The following LIG1 variants were observed in gnomAD, a reference collection of about 807,000 sequenced individuals.
LIG1 encodes DNA ligase 1, also known as ligase I, DNA, ATP-dependent.
A neutral mutation model predicts 115.7 loss-of-function variants in LIG1; 70 were observed. That is an observed-to-expected ratio of 0.60 (90% CI 0.50 to 0.74). The LOEUF is 0.74. Ranked by LOEUF, LIG1 falls within the 30% of genes least tolerant of loss-of-function variation. LIG1 has a pLI of 0.00. For missense variants in LIG1, 1,115 were observed against 1,225.6 expected (o/e 0.91, Z 1.35); for synonymous variants, 487 against 495.3 (o/e 0.98, Z 0.22).
intron 9 of LIG1, among the ~76,000 whole-genome samples, chr19:48,146,735 T>C (rs971255069): frequency 1.3e-5 from 2 of 152,206 alleles, no homozygotes; most frequent in Non-Finnish European, 2.9e-5. Flanking sequence ...GAACTTTATA[T>C]ACAGTAGGAC....
chr19:48,152,939 G>A (rs1180153336), intron 6 of LIG1, among the ~76,000 whole-genome samples: 1 of 152,210 alleles, frequency 6.6e-6, no homozygotes, highest in African/African-American at 2.4e-5. Context: ...GCTCACGCCT[G>A]TAATCCCAGG....
At chr19:48,123,083 T>C (rs1005393404) in intron 22 of LIG1, 67 bp from the exon 23 acceptor site, 7 of 1,612,080 alleles carry the variant, frequency 4.3e-6, no homozygotes, top group Non-Finnish European at 5.9e-6. Context: ...CAGGCAGGAT[T>C]CTGGTCAAAC....
At chr19:48,144,967 A>C (rs899892031) in intron 9 of LIG1, among the ~76,000 whole-genome samples, 1 of 152,150 alleles carries the variant, frequency 6.6e-6, no homozygotes, top group Non-Finnish European at 1.5e-5. Flanking sequence ...GCTAGAGTGC[A>C]GTGGAGCAAT....
rs199830860 is a variant in LIG1 at position 48,157,024 on chromosome 19, C to T, written c.360G>A (p.Lys120=). ...CCCGTGTGTTCTCACCTGTGCGACGCTTCGGAATCCCTGATGGGGAACTGT... is the reference window on the plus strand; with the variant it reads ...CCCGTGTGTTCTCACCTGTGCGACGTTTCGGAATCCCTGATGGGGAACTGT... ...PMDSSPSGIP[K]RRTARKQLPK... Residue 120 remains lysine, a synonymous_variant, in exon 5 of 28, where the codon AAG becomes AAA. Transcript: ENST00000263274. 1.3e-4 allele frequency: 212 copies of T among 1,600,954 alleles called. No homozygotes were observed. The highest frequency in any genetic ancestry group is 1.7e-4 in the Non-Finnish European group (199 of 1,172,948).
intron 19 of LIG1, among the ~76,000 whole-genome samples, chr19:48,129,717 G>T (rs1003945473): frequency 6.6e-6 from 1 of 152,146 alleles, no homozygotes; most frequent in Non-Finnish European, 1.5e-5. Flanking sequence ...GGACAGAGGA[G>T]GGGGCCTTGC....
chr19:48,139,718 C>T (rs562360088), intron 12 of LIG1, among the ~76,000 whole-genome samples: 60 of 152,210 alleles, frequency 3.9e-4, no homozygotes, highest in Non-Finnish European at 6.6e-4. Context: ...CATCTTTCCC[C>T]AGCCCTCCCC....
At chr19:48,155,975 G>A (rs370398258) in intron 5 of LIG1, among the ~76,000 whole-genome samples, 10 of 152,172 alleles carry the variant, frequency 6.6e-5, no homozygotes, top group East Asian at 1.9e-4. Context: ...ACGCTAAAGC[G>A]CTCAATAGGC....
At position 48,115,709 on chromosome 19, in the gene LIG1, T is replaced by C. The variant is rs1803907; in HGVS notation, c.2700A>G (p.Gln900=). The C allele has an allele frequency of 2.0e-3, 3,277 of 1,614,128 alleles. 55 individuals are homozygous for C. In the African/African-American group the frequency reaches 0.037, roughly 18 times the overall value. Residue 900 remains glutamine, a synonymous_variant, in exon 28 of 28, where the codon CAA becomes CAG. Transcript: ENST00000263274. ...SAQVACLYRK[Q]SQIQNQQGED... Reference sequence around the variant, plus strand: ...CGCCTTGTTGGTTCTGAATCTGACTTTGCTTCCGGTACAAACAGGCCACCT... The same window carrying C: ...CGCCTTGTTGGTTCTGAATCTGACTCTGCTTCCGGTACAAACAGGCCACCT...
chr19:48,168,661 C>T (rs999626090), intron 1 of LIG1, among the ~76,000 whole-genome samples: 1 of 152,016 alleles, frequency 6.6e-6, no homozygotes, highest in Admixed American at 6.6e-5. Flanking sequence ...GGAACTGGTT[C>T]CCTCATTACT....
chr19:48,145,805 T>A (rs1474607139), intron 9 of LIG1: 2 of 152,160 alleles, frequency 1.3e-5, no homozygotes, highest in East Asian at 3.9e-4. Context: ...ATGCTGGTCA[T>A]AATCAAGGCC....
chr19:48,127,881 T>A (rs2033773457), intron 20 of LIG1, 29 bp downstream of exon 20: 1 of 1,576,230 alleles, frequency 6.3e-7, no homozygotes, highest in African/African-American at 1.3e-5. Flanking sequence ...GTACGGGGCC[T>A]TGGCAGGCAG....
At chr19:48,138,203 G>A (rs1471220232) in intron 12 of LIG1, among the ~76,000 whole-genome samples, 1 of 152,100 alleles carries the variant, frequency 6.6e-6, no homozygotes, top group Non-Finnish European at 1.5e-5. Flanking sequence ...GTAAGAGCTG[G>A]GGAGATGGAG....
intron 9 of LIG1, among the ~76,000 whole-genome samples, chr19:48,148,197 G>C (rs1176311807): frequency 6.6e-6 from 1 of 152,086 alleles, no homozygotes; most frequent in Non-Finnish European, 1.5e-5. Flanking sequence ...GAGGAGGCTG[G>C]GTGTGGTGGC....
chr19:48,139,073 C>T (rs1443919442), intron 12 of LIG1, among the ~76,000 whole-genome samples: 1 of 152,212 alleles, frequency 6.6e-6, no homozygotes, highest in Non-Finnish European at 1.5e-5. Flanking sequence ...CACATCCTCT[C>T]CCCAGGCGGA....
At chr19:48,169,913 C>CCCG (rs2036703071) in intron 1 of LIG1, 2 of 123,634 alleles carry the variant, frequency 1.6e-5, no homozygotes, top group Non-Finnish European at 3.4e-5. Context: ...CACAGTTTTC[C>CCCG]CCCCCCCGGC....
chr19:48,130,238 G>A (rs2033926373), intron 19 of LIG1, among the ~76,000 whole-genome samples: 1 of 152,232 alleles, frequency 6.6e-6, no homozygotes, highest in Admixed American at 6.5e-5. Context: ...GCACGGAACA[G>A]GAGCTCCCCT....
chr19:48,147,033 A>G (rs906347510), intron 9 of LIG1, among the ~76,000 whole-genome samples: 6 of 152,208 alleles, frequency 3.9e-5, no homozygotes, highest in South Asian at 2.1e-4. Flanking sequence ...TAAGGTCTCA[A>G]TTGGGGGTAC....
intron 18 of LIG1, among the ~76,000 whole-genome samples, chr19:48,132,549 T>C (rs965991589): frequency 3.3e-5 from 5 of 151,732 alleles, no homozygotes; most frequent in African/African-American, 1.2e-4. Context: ...CCCAGCACTT[T>C]GGGAGGCTGA....
chr19:48,145,597 C>T (rs1436007570), intron 9 of LIG1, among the ~76,000 whole-genome samples: 2 of 152,128 alleles, frequency 1.3e-5, no homozygotes, highest in African/African-American at 2.4e-5. Context: ...CACTGCAGGG[C>T]TGTGCATGGC....
Sources: gnomAD v4.1 joint callset for allele counts (sites outside exome capture counted in the v4.1 genomes callset) on GRCh38, gnomAD v4.1.1 for gene constraint, MANE v1.5 for transcripts, NCBI Gene and HGNC (gene_info 2026-07-23, HGNC 2026-07-21) for gene names.